The following DMTN variants were observed in gnomAD, a reference collection of about 807,000 sequenced individuals.
DMTN encodes the protein dematin.
In DMTN, 27 loss-of-function variants were observed where a neutral mutation model predicts 59.4. The ratio of observed to expected loss-of-function variants is 0.45; its 90% CI spans 0.33 to 0.63. DMTN has a LOEUF of 0.63. Among genes scored for constraint, DMTN ranks in the 20% least tolerant of loss-of-function variants. DMTN has a pLI of 0.02. For missense variants in DMTN, 451 were observed against 528.9 expected (o/e 0.85, Z 1.45); for synonymous variants, 221 against 203.7 (o/e 1.08, Z -0.72).
chr8:22,055,943 G>C (rs2130032431), upstream of DMTN, among the ~76,000 whole-genome samples: 1 of 152,312 alleles, frequency 6.6e-6, no homozygotes, highest in East Asian at 1.9e-4. Flanking sequence ...GCAACGGTGA[G>C]GGCTGCCTAG....
chr8:22,049,536 C>G (rs1355905984), upstream of DMTN, among the ~76,000 whole-genome samples: 1 of 150,080 alleles, frequency 6.7e-6, no homozygotes, highest in Non-Finnish European at 1.5e-5. Flanking sequence ...GGCTTTTAAT[C>G]TTGTCGAGGG....
intron 2 of DMTN, 78 bp downstream of exon 2, chr8:22,066,971 C>T (rs1811146103): frequency 8.1e-7 from 1 of 1,241,378 alleles, no homozygotes; most frequent in East Asian, 3.3e-5. Flanking sequence ...CACCTGGTGG[C>T]CACCCGCCGC....
chr8:22,054,335 G>T (rs1171863273), upstream of DMTN, among the ~76,000 whole-genome samples: 1 of 152,004 alleles, frequency 6.6e-6, no homozygotes, highest in African/African-American at 2.4e-5. Flanking sequence ...GGGGACAGTG[G>T]GAATGGGGCC....
Position 22,080,222 on chromosome 8 carries a change from A to G in DMTN, c.878A>G (p.Tyr293Cys), listed in dbSNP as rs1357698398. 3.7e-6 allele frequency: 6 copies of G among 1,614,080 alleles called. No homozygotes were observed. The highest frequency in any genetic ancestry group is 1.6e-4 in the Middle Eastern group (1 of 6,084). ...TCTAAATCTTCCTCTCTCCCCGCCT[A>G]TGGCAGGACCACCCTGAGCCGGGTA... ...GTSKSSSLPA[Y>C]GRTTLSRLQS... Residue 293 changes from tyrosine to cysteine, a missense_variant, in exon 11 of 16, where the codon TAT becomes TGT. Physicochemically the swap from Tyr to Cys is radical, Grantham distance 194 (BLOSUM62 -2). Transcript: ENST00000358242.
chr8:22,050,145 T>TG (rs1191342919), upstream of DMTN, among the ~76,000 whole-genome samples: 2 of 152,112 alleles, frequency 1.3e-5, no homozygotes, highest in African/African-American at 4.8e-5. Context: ...CGCGCCGTGT[T>TG]GGGGGTAGTT....
At chr8:22,049,787 T>C (rs182000171), upstream of DMTN, among the ~76,000 whole-genome samples, 464 of 152,240 alleles carry the variant, frequency 3.0e-3, 1 homozygote, top group African/African-American at 0.011. Context: ...CTCCCTCTTC[T>C]TTCTGAGACT....
chr8:22,059,494 A>G (rs1407045752), intron 1 of DMTN: 1 of 152,226 alleles, frequency 6.6e-6, no homozygotes, highest in African/African-American at 2.4e-5. Context: ...TCCACTGTCT[A>G]AGGTTAGCAC....
Position 22,067,671 on chromosome 8 carries a change from C to T in DMTN, c.238C>T (p.Arg80Cys), listed in dbSNP as rs781626631. The change falls in exon 4 of 16, where the codon CGC becomes TGC. Residue 80 changes from arginine (R) to cysteine (C), a missense_variant. Physicochemically the swap from Arg to Cys is radical, Grantham distance 180. Transcript: ENST00000358242. ...CCTCCTGGAACACGTGGAGCTGCCT[C>T]GCAGCCGCGAGGTGAGGGGGCTCCT... Reference protein sequence around the residue: ...YSLLEHVELPRSRERSLSPKS... With the variant: ...YSLLEHVELPCSRERSLSPKS... 6 of 1,613,904 alleles carry T rather than the reference C, an allele frequency of 3.7e-6. No homozygotes were observed. Among genetic ancestry groups the T allele is most frequent in the East Asian group, 4.5e-5 (2 of 44,874 alleles).
chr8:22,053,440 C>T (rs370686141), upstream of DMTN: 32 of 152,484 alleles, frequency 2.1e-4, no homozygotes, highest in African/African-American at 7.2e-4. Context: ...CCCTTTCCTT[C>T]CTCCCTGAGT....
At chr8:22,054,568 C>T (rs1801812908), upstream of DMTN, among the ~76,000 whole-genome samples, 1 of 152,272 alleles carries the variant, frequency 6.6e-6, no homozygotes, top group East Asian at 1.9e-4. Context: ...GTCATTGTCC[C>T]GAGCTCCACA....
chr8:22,071,540 G>A (rs1272421159), intron 8 of DMTN, among the ~76,000 whole-genome samples: 1 of 149,570 alleles, frequency 6.7e-6, no homozygotes, highest in African/African-American at 2.5e-5. Context: ...GATTACAGGT[G>A]CCCACCACCA....
At chr8:22,065,275 C>G (rs913298002) in intron 1 of DMTN, among the ~76,000 whole-genome samples, 2 of 152,208 alleles carry the variant, frequency 1.3e-5, no homozygotes, top group Admixed American at 1.3e-4. Context: ...CTCAAGCCAT[C>G]CTCTCTCCTT....
At chr8:22,071,240 G>A (rs1815213490) in intron 8 of DMTN, among the ~76,000 whole-genome samples, 1 of 152,012 alleles carries the variant, frequency 6.6e-6, no homozygotes, top group Non-Finnish European at 1.5e-5. Context: ...GGGATTACAG[G>A]CATGCACCAC....
intron 9 of DMTN, 148 bp downstream of exon 9, chr8:22,072,598 G>A: frequency 3.0e-6 from 2 of 664,524 alleles, no homozygotes; most frequent in African/African-American, 3.8e-5. Context: ...TGCATAGCTG[G>A]GATTACAGGC....
intron 1 of DMTN, among the ~76,000 whole-genome samples, chr8:22,065,730 G>A (rs1810052294): frequency 6.6e-6 from 1 of 151,786 alleles, no homozygotes; most frequent in African/African-American, 2.4e-5. Flanking sequence ...AGCTACTCGG[G>A]AGGCTGAGAC....
chr8:22,071,823 G>A (rs1342997522), intron 8 of DMTN, among the ~76,000 whole-genome samples: 2 of 151,658 alleles, frequency 1.3e-5, no homozygotes, highest in South Asian at 2.1e-4. Context: ...CTCGTGATCC[G>A]CCTGCCTTGG....
intron 6 of DMTN, 66 bp downstream of exon 6, chr8:22,069,584 T>TAA: frequency 1.5e-6 from 2 of 1,351,284 alleles, no homozygotes; most frequent in Non-Finnish European, 2.1e-6. Context: ...CCAATCCCCT[T>TAA]ACGCTCAGTC....
At position 22,081,710 on chromosome 8, in the gene DMTN, G is replaced by A. The variant is rs1824370712; in HGVS notation, c.*247G>A. The A allele has an allele frequency of 3.4e-6, 2 of 583,640 alleles. No individual in the cohort carries two copies. Among genetic ancestry groups the A allele is most frequent in the Non-Finnish European group, 6.3e-6 (2 of 318,992 alleles). The allele number at this position is 583,640 out of a possible 1,614,324, so 36.2% of individuals were successfully genotyped here. The stretch of plus-strand genomic sequence containing the variant: ...CAGGGCAAAGCCAGTCTGGGCTCTG[G>A]CACACAGAGTTCATGTTTGCGCCCT... On this transcript the variant is annotated 3_prime_UTR_variant, in exon 16 of 16. Coordinates refer to ENST00000358242, the MANE Select transcript of DMTN (RefSeq NM_001387751.1).
In DMTN at chr8:22,070,586, A is replaced by G. The variant is rs111322152; in HGVS notation, c.604+252A>G. The stretch of plus-strand genomic sequence containing the variant: ...TCATTTATTTCCTGACTCAACAGAC[A>G]TGTATCAAACTTCTGCATCCCAGGC... On this transcript the variant is annotated intron_variant, in intron 8 of 15. Coordinates refer to ENST00000358242, the MANE Select transcript of DMTN (RefSeq NM_001387751.1). 8.1e-3 allele frequency among the ~76,000 whole-genome samples: 1,232 copies of G among 152,304 alleles called. 11 individuals carry two copies. The highest frequency in any genetic ancestry group is 0.014 in the Non-Finnish European group (980 of 68,028).
Sources: allele counts gnomAD v4.1 joint callset (sites outside exome capture counted in the v4.1 genomes callset), GRCh38; gene constraint gnomAD v4.1.1; transcripts MANE v1.5; gene names NCBI Gene and HGNC (gene_info 2026-07-23, HGNC 2026-07-21).